The following ASPDH variants were observed in gnomAD, a reference collection of about 807,000 sequenced individuals.
The protein encoded by ASPDH is aspartate dehydrogenase domain-containing protein.
ASPDH carries 25 observed loss-of-function variants against 30.5 expected under a neutral mutation model. The ratio of observed to expected loss-of-function variants is 0.82; its 90% CI spans 0.60 to 1.14. The LOEUF (loss-of-function observed/expected upper bound fraction) is 1.14. Ranked by LOEUF, ASPDH falls within the 50% of genes most tolerant of loss-of-function variation. The pLI is 0.00. For missense variants in ASPDH, 401 were observed against 381.5 expected, an observed-to-expected ratio of 1.05 and a Z score of -0.43; for synonymous variants, 168 against 156.3, an observed-to-expected ratio of 1.07 and a Z score of -0.56.
upstream of ASPDH, chr19:50,514,786 C>G: frequency 2.0e-5 from 16 of 789,510 alleles, no homozygotes; most frequent in South Asian, 1.3e-4. Flanking sequence ...AGAAAGAGAG[C>G]GTGAACGGGA....
In ASPDH at chr19:50,513,667, C is replaced by G; in HGVS notation, c.52+105G>C. ...GCAGTGGGCAGACCCAGAGACACAG[C>G]CAGGGGCAGATAGAGAGAGAAAAAA... On this transcript the variant is annotated intron_variant, in intron 1 of 6. Coordinates refer to ENST00000389208, the MANE Select transcript of ASPDH (RefSeq NM_001114598.2). This position sits in a 1 kb window ranked among gnomAD's most constrained non-coding sequence, Gnocchi z 4.9. The G allele has an allele frequency of 2.2e-6, 2 of 927,768 alleles. No homozygotes were observed. The highest frequency in any genetic ancestry group is 1.7e-6 in the Non-Finnish European group (1 of 597,472). 57.5% of individuals were successfully genotyped at this position (927,768 alleles called of 1,614,324 possible). A position where few individuals can be genotyped will look rare whatever the true frequency, so the allele number is the denominator to read the frequency against.
chr19:50,514,245 G>A (rs576417438), upstream of ASPDH, among the ~76,000 whole-genome samples: 2 of 152,222 alleles, frequency 1.3e-5, no homozygotes, highest in Admixed American at 1.3e-4. Context: ...CTGTCCCCTC[G>A]TGCTCACCTC....
At chr19:50,515,059 C>T (rs1980177954), upstream of ASPDH, 2 of 985,246 alleles carry the variant, frequency 2.0e-6, no homozygotes, top group African/African-American at 1.7e-5. Flanking sequence ...CCATCTCTAC[C>T]TTCTGACTCC....
rs1172856142 is a variant in ASPDH, at chr19:50,513,267, C to T, written c.197+5G>A. ...GCTCCACTCTCCCATGGCAAGGTCA[C>T]TGACCTTTCCCCAAGGGCAGCAAGG... On this transcript the variant is annotated splice_donor_5th_base_variant and intron_variant, in intron 2 of 6. Coordinates refer to ENST00000389208, the MANE Select transcript of ASPDH (RefSeq NM_001114598.2). This position sits in a 1 kb window ranked among gnomAD's most constrained non-coding sequence, Gnocchi z 4.9. 1 of 1,470,264 alleles carries T rather than the reference C, an allele frequency of 6.8e-7. No individual in the cohort carries two copies. Among genetic ancestry groups the T allele is most frequent in the Admixed American group, 2.6e-5 (1 of 38,194 alleles). 91.1% of individuals were successfully genotyped at this position (1,470,264 alleles called of 1,614,324 possible). A position where few individuals can be genotyped will look rare whatever the true frequency, so the allele number is the denominator to read the frequency against.
At position 50,512,310 on chromosome 19, in the gene ASPDH, C is replaced by A. The variant is rs1317851458; in HGVS notation, c.654-20G>T. The A allele has an allele frequency of 6.2e-7, 1 of 1,613,734 alleles. No homozygotes were observed. Among genetic ancestry groups the A allele is most frequent in the Admixed American group, 1.7e-5 (1 of 59,986 alleles). ...GTGAGGCTGGGACAAGAGGGGCAGT[C>A]AGTCTGGAGAGCCTGGACTCAGCCC... On this transcript the variant is annotated intron_variant, in intron 5 of 6. Transcript: ENST00000389208.
At chr19:50,514,486 GCTAC>G (rs573300961), upstream of ASPDH, 517 of 1,614,114 alleles carry the variant, frequency 3.2e-4, 4 homozygotes, top group African/African-American at 6.1e-3. Context: ...ACCTTGACTT[GCTAC>G]CTTTCACTCT....
chr19:50,511,728 T>C lies in ASPDH; in HGVS notation c.*2A>G. The C allele has an allele frequency of 7.6e-7, 1 of 1,307,574 alleles. No individual in the cohort carries two copies. Among genetic ancestry groups the C allele is most frequent in the South Asian group, 2.7e-5 (1 of 37,496 alleles). The allele number at this position is 1,307,574 out of a possible 1,614,324, so 81.0% of individuals were successfully genotyped here. ...ATCTTGTCTCGGGAGGGAGGAGGCT[T>C]CTCAGCAGAGATGGATCCCCGGCCT... On this transcript the variant is annotated 3_prime_UTR_variant, in exon 7 of 7. Coordinates refer to ENST00000389208, the MANE Select transcript of ASPDH (RefSeq NM_001114598.2).
At position 50,513,064 on chromosome 19, in the gene ASPDH, TC is replaced by T; in HGVS notation, c.198-54del. The T allele has an allele frequency of 6.9e-7, 1 of 1,450,892 alleles. No individual in the cohort carries two copies. Among genetic ancestry groups the T allele is most frequent in the Non-Finnish European group, 9.5e-7 (1 of 1,056,076 alleles). The allele number at this position is 1,450,892 out of a possible 1,614,324, so 89.9% of individuals were successfully genotyped here. ...TCTTGGAGAGGTATTAGGCCTCTTC[TC>T]CCCAAGGTTCCCTCCGAGTCTACTG... On this transcript the variant is annotated intron_variant, in intron 2 of 6. Transcript: ENST00000389208. The surrounding 1 kb of genome is among the most constrained non-coding windows in gnomAD (Gnocchi z 4.9).
rs1011010440 is a variant in ASPDH, at chr19:50,512,061, C to A, written c.808+75G>T. ...CAAATACAGAACCAGAACTGCAGAA[C>A]TAGTGAGAGCCCGGGACCCCCAAGC... On this transcript the variant is annotated intron_variant, in intron 6 of 6. Transcript: ENST00000389208. 17 of 1,280,774 alleles carry A rather than the reference C, an allele frequency of 1.3e-5. No individual in the cohort carries two copies. The Admixed American group carries it at 4.8e-4, about 36-fold the overall frequency. The allele number at this position is 1,280,774 out of a possible 1,614,324, so 79.3% of individuals were successfully genotyped here.
chr19:50,512,569 G>A lies in ASPDH; in HGVS notation c.444C>T (p.Val148=). 4 of 1,531,088 alleles carry A rather than the reference G, an allele frequency of 2.6e-6. No individual in the cohort carries two copies. The South Asian group carries it at 5.2e-5, about 20-fold the overall frequency. 94.8% of individuals were successfully genotyped at this position (1,531,088 alleles called of 1,614,324 possible). Residue 148 remains valine, a synonymous_variant, in exon 5 of 7, where the codon GTC becomes GTT. Transcript: ENST00000389208. ...DAAGGLRSLR[V]TMATHPDGFR... ...AGCCATCGGGGTGTGTGGCCATGGT[G>A]ACACGAAGGCTCTGGAAGCAAGAGC...
chr19:50,511,827 C>G, intron 6 of ASPDH, 54 bp from the exon 7 acceptor site: 1 of 1,200,158 alleles, frequency 8.3e-7, no homozygotes, highest in South Asian at 2.3e-5. Flanking sequence ...AGGAGACAGA[C>G]GCCTGGGGGA....
At chr19:50,514,160 C>T (rs997883350), upstream of ASPDH, among the ~76,000 whole-genome samples, 10 of 152,166 alleles carry the variant, frequency 6.6e-5, no homozygotes, top group African/African-American at 9.7e-5. Context: ...CCTCTCTGGC[C>T]GGCCAGGTTG....
At chr19:50,511,856 G>C (rs1270567081) in intron 6 of ASPDH, 83 bp from the exon 7 acceptor site, 19 of 980,220 alleles carry the variant, frequency 1.9e-5, no homozygotes, top group Non-Finnish European at 2.7e-5. Flanking sequence ...TGGGAGGAGG[G>C]GACAGGGCAG....
Position 50,512,408 on chromosome 19 carries a change from G to A in ASPDH, c.605C>T (p.Pro202Leu), listed in dbSNP as rs1568708042. The A allele has an allele frequency of 6.2e-7, 1 of 1,613,120 alleles. No homozygotes were observed. Among genetic ancestry groups the A allele is most frequent in the Admixed American group, 1.7e-5 (1 of 59,910 alleles). Reference sequence around the variant, plus strand: ...AATCACCCCATCGAAGCCCAGGCTGGGGGCAGCCAGGGCAGCCGCCGCCAT... The same window carrying A: ...AATCACCCCATCGAAGCCCAGGCTGAGGGCAGCCAGGGCAGCCGCCGCCAT... The part of the protein sequence containing the change: ...NTMAAAALAA[P>L]SLGFDGVIGV... Residue 202 changes from proline to leucine, a missense_variant, in exon 5 of 7, where the codon CCC (proline) becomes CTC (leucine). Coordinates refer to ENST00000389208, the MANE Select transcript of ASPDH (RefSeq NM_001114598.2).
chr19:50,512,325 G>A (rs1199518506), intron 5 of ASPDH, 35 bp from the exon 6 acceptor site: 1 of 1,613,894 alleles, frequency 6.2e-7, no homozygotes, highest in South Asian at 1.1e-5. Flanking sequence ...TGGAGAGCCT[G>A]GACTCAGCCC....
upstream of ASPDH, chr19:50,515,093 A>G: frequency 3.0e-6 from 3 of 985,300 alleles, no homozygotes; most frequent in Non-Finnish European, 3.6e-6. Flanking sequence ...GTGTCCCCAT[A>G]GTGCCCATAG....
chr19:50,513,955 G>A (rs1980115616), upstream of ASPDH: 3 of 1,188,394 alleles, frequency 2.5e-6, no homozygotes, highest in Admixed American at 9.1e-5. This position sits in a 1 kb window ranked among gnomAD's most constrained non-coding sequence, Gnocchi z 4.9. Context: ...CTTCCCCGCA[G>A]GCCCAGCGTG....
intron 6 of ASPDH, 24 bp from the exon 7 acceptor site, chr19:50,511,797 A>C: frequency 1.5e-6 from 2 of 1,317,112 alleles, no homozygotes; most frequent in Non-Finnish European, 9.7e-7. Context: ...GGAATGAGCG[A>C]ATGAGACAGA....
In ASPDH at chr19:50,512,257, C is replaced by T. The variant is rs1225396714; in HGVS notation, c.687G>A (p.Leu229=). 6.2e-7 allele frequency: 1 copy of T among 1,613,212 alleles called. No individual in the cohort carries two copies. Among genetic ancestry groups the T allele is most frequent in the Non-Finnish European group, 8.5e-7 (1 of 1,179,826 alleles). ...GGCCCGTGGGGCCCCGGGGTCCGCT[C>T]AGCTCTACATCCACCACGTGCATGT... The part of the protein sequence containing the change: ...LTDMHVVDVE[L]SGPRGPTGRS... The change falls in exon 6 of 7, where the codon CTG becomes CTA. Residue 229 remains leucine, a synonymous_variant. Coordinates refer to ENST00000389208, the MANE Select transcript of ASPDH (RefSeq NM_001114598.2).
Sources: allele counts gnomAD v4.1 joint callset (sites outside exome capture counted in the v4.1 genomes callset), GRCh38; gene constraint gnomAD v4.1.1; non-coding constraint Gnocchi (gnomAD v3.1); transcripts MANE v1.5; gene names NCBI Gene and HGNC (gene_info 2026-07-23, HGNC 2026-07-21).